ACAN: variants seen among roughly 807,000 people sequenced by gnomAD.
ACAN encodes the protein aggrecan core protein.
ACAN carries 47 observed loss-of-function variants against 169.1 expected under a neutral mutation model. That is an observed-to-expected ratio of 0.28 (90% CI 0.22 to 0.35). ACAN has a LOEUF of 0.35. Ranked by LOEUF, ACAN falls within the 10% of genes least tolerant of loss-of-function variation. The pLI is 1.00. For synonymous variants in ACAN, 1,115 were observed against 1,112.2 expected, an observed-to-expected ratio of 1.00 and a Z score of -0.05; for missense variants, 2,716 against 2,759.9, an observed-to-expected ratio of 0.98 and a Z score of 0.36.
Position 88,857,520 on chromosome 15 carries a change from C to A in ACAN, c.4935C>A (p.Gly1645=), listed in dbSNP as rs1170784847. ...ACCTTGGAAGTGGCCCACCCTCTGG[C>A]CTGCCTGACTTTAGTGGACTTCCAT... ...GVDLGSGPPS[G]LPDFSGLPSG... Residue 1645 remains glycine (G), a synonymous_variant, in exon 12 of 19, where the codon GGC becomes GGA. Transcript: ENST00000560601. 1.2e-6 allele frequency: 2 copies of A among 1,613,798 alleles called. No individual in the cohort carries two copies. The highest frequency in any genetic ancestry group is 1.7e-6 in the Non-Finnish European group (2 of 1,179,894).
intron 6 of ACAN, among the ~76,000 whole-genome samples, chr15:88,845,090 T>G (rs1896759519): frequency 2.0e-5 from 3 of 152,226 alleles, no homozygotes; most frequent in Non-Finnish European, 4.4e-5. Flanking sequence ...CAAACTGCAC[T>G]TTCTGCAAGA....
At chr15:88,808,461 C>T (rs767026338) in intron 1 of ACAN, among the ~76,000 whole-genome samples, 1 of 152,224 alleles carries the variant, frequency 6.6e-6, no homozygotes. Context: ...TCTTCCTGCC[C>T]TCCACCTACT....
At chr15:88,828,573 T>C (rs1200108240) in intron 1 of ACAN, among the ~76,000 whole-genome samples, 3 of 152,152 alleles carry the variant, frequency 2.0e-5, no homozygotes, top group Non-Finnish European at 4.4e-5. Context: ...TCCCAGAGAA[T>C]GTGCTCAATA....
rs772320528 is a variant in ACAN, at chr15:88,849,689, C to T, written c.1984C>T (p.Leu662Phe). 3 of 1,613,838 alleles carry T rather than the reference C, an allele frequency of 1.9e-6. No homozygotes were observed. The highest frequency in any genetic ancestry group is 1.1e-5 in the South Asian group (1 of 91,070). Residue 662 changes from leucine (L) to phenylalanine (F), a missense_variant, in exon 10 of 19, where the codon CTC becomes TTC. Leu to Phe is a conservative substitution (Grantham distance 22). This residue lies in a region of ACAN where 1,283 missense variants were observed against 1,281.5 expected (regional missense o/e 1.00). Transcript: ENST00000560601. The surrounding 1 kb of genome is among the most constrained non-coding windows in gnomAD (Gnocchi z 5.1). ...CTACCTCTACCCTAACCAGACGGGCCTCCCAGACCCACTGTCCCGGCACCA... is the reference window on the plus strand; with the variant it reads ...CTACCTCTACCCTAACCAGACGGGCTTCCCAGACCCACTGTCCCGGCACCA... ...TVYLYPNQTG[L>F]PDPLSRHHAF...
At position 88,822,544 on chromosome 15, in the gene ACAN, G is replaced by A. The variant is rs1038241123; in HGVS notation, c.-7-13656G>A. ...TGCAATGGCGTGATCTTGGCTCACT[G>A]CAACCTCCGCCTCCCAGGTTCAAGC... On this transcript the variant is annotated intron_variant, in intron 1 of 18. Coordinates refer to ENST00000560601, the MANE Select transcript of ACAN (RefSeq NM_001369268.1). Among the ~76,000 whole-genome samples, 73 of 151,294 alleles carry A rather than the reference G, an allele frequency of 4.8e-4. 1 individual carries two copies. Among genetic ancestry groups the A allele is most frequent in the Middle Eastern group, 6.8e-3 (2 of 292 alleles).
chr15:88,809,443 C>T (rs569763675), intron 1 of ACAN, among the ~76,000 whole-genome samples: 2 of 152,200 alleles, frequency 1.3e-5, no homozygotes, highest in East Asian at 1.9e-4. Flanking sequence ...TGAGGACCTC[C>T]GAAGGAGGCC....
rs1243969000 is a variant in ACAN, at chr15:88,874,537, G to A, written c.*56G>A. 19 of 1,447,414 alleles carry A rather than the reference G, an allele frequency of 1.3e-5. No individual in the cohort carries two copies. Among genetic ancestry groups the A allele is most frequent in the East Asian group, 7.3e-5 (3 of 41,160 alleles). The allele number at this position is 1,447,414 out of a possible 1,614,324, so 89.7% of individuals were successfully genotyped here. A position where few individuals can be genotyped will look rare whatever the true frequency, so the allele number is the denominator to read the frequency against. Reference sequence around the variant, plus strand: ...GAGCCCAGGAGCCTGCCAGGCTGACGTGCATCCCACCCAGACGGTGTCCTC... The same window carrying A: ...GAGCCCAGGAGCCTGCCAGGCTGACATGCATCCCACCCAGACGGTGTCCTC... On this transcript the variant is annotated 3_prime_UTR_variant, in exon 19 of 19. Transcript: ENST00000560601. The surrounding 1 kb of genome is among the most constrained non-coding windows in gnomAD (Gnocchi z 7.3).
chr15:88,845,547 G>C lies in ACAN; in HGVS notation c.1094G>C (p.Gly365Ala), dbSNP rs567446094. 1.2e-6 allele frequency: 2 copies of C among 1,613,320 alleles called. No individual in the cohort carries two copies. The highest frequency in any genetic ancestry group is 2.2e-5 in the East Asian group (1 of 44,864). Residue 365 changes from glycine to alanine, a missense_variant, in exon 7 of 19, where the codon GGG becomes GCG. Around this residue, in one of 3 missense-constraint regions of ACAN, gnomAD observed 1,283 missense variants for 1,281.5 expected, o/e 1.00. Coordinates refer to ENST00000560601, the MANE Select transcript of ACAN (RefSeq NM_001369268.1). ...ATCCCAGAAAACTTCTTTGGAGTGG[G>C]GGGTGAGGAGGACATCACCGTCCAG... ...VDIPENFFGV[G>A]GEEDITVQTV...
At position 88,870,861 on chromosome 15, in the gene ACAN, A is replaced by C. The variant is rs978112376; in HGVS notation, c.7061-521A>C. On this transcript the variant is annotated intron_variant, in intron 14 of 18. Transcript: ENST00000560601. The surrounding 1 kb of genome is among the most constrained non-coding windows in gnomAD (Gnocchi z 6.3). The stretch of plus-strand genomic sequence containing the variant: ...TCTGAGTCTTCTCCAGACCCCAAGC[A>C]GACTTATTTCTGCTCCTCTGTTCCC... Among the ~76,000 whole-genome samples the C allele has an allele frequency of 6.6e-6, 1 of 152,152 alleles. No homozygotes were observed. Among genetic ancestry groups the C allele is most frequent in the African/African-American group, 2.4e-5 (1 of 41,428 alleles).
At chr15:88,848,997 G>A (rs1291588674) in intron 9 of ACAN, among the ~76,000 whole-genome samples, 7 of 152,246 alleles carry the variant, frequency 4.6e-5, no homozygotes, top group Admixed American at 3.3e-4. Flanking sequence ...TTCCCAGGGT[G>A]TGGGGTGAGC....
intron 1 of ACAN, among the ~76,000 whole-genome samples, chr15:88,811,755 T>A (rs8034087): frequency 1.1e-4 from 16 of 152,248 alleles, no homozygotes; most frequent in African/African-American, 3.9e-4. Flanking sequence ...CCTGGAAGAC[T>A]TGGACTAGCA....
Position 88,873,592 on chromosome 15 carries a change from A to T in ACAN, c.7448-250A>T. 1.9e-6 allele frequency: 1 copy of T among 531,958 alleles called. No individual in the cohort carries two copies. The highest frequency in any genetic ancestry group is 3.4e-6 in the Non-Finnish European group (1 of 297,296). 33.0% of individuals were successfully genotyped at this position (531,958 alleles called of 1,614,324 possible). ...TGGCTCTCGCCCTCCACACCTTTCTACCTCCCTTTCATCTTCTCTTCATCC... is the reference window on the plus strand; with the variant it reads ...TGGCTCTCGCCCTCCACACCTTTCTTCCTCCCTTTCATCTTCTCTTCATCC... On this transcript the variant is annotated intron_variant, in intron 17 of 18. Transcript: ENST00000560601. The surrounding 1 kb of genome is among the most constrained non-coding windows in gnomAD (Gnocchi z 7.5).
chr15:88,837,132 T>G (rs1896524781), intron 2 of ACAN, among the ~76,000 whole-genome samples: 1 of 152,098 alleles, frequency 6.6e-6, no homozygotes, highest in Non-Finnish European at 1.5e-5. Flanking sequence ...ATACCCCTGG[T>G]GGGAGCCACC....
chr15:88,851,436 A>C lies in ACAN; in HGVS notation c.2027-358A>C, dbSNP rs1396208433. 1 of 201,672 alleles carries C rather than the reference A, an allele frequency of 5.0e-6. No individual in the cohort carries two copies. The highest frequency in any genetic ancestry group is 1.3e-4 in the East Asian group (1 of 7,952). The allele number at this position is 201,672 out of a possible 1,614,324, so 12.5% of individuals were successfully genotyped here. A position where few individuals can be genotyped will look rare whatever the true frequency, so the allele number is the denominator to read the frequency against. On this transcript the variant is annotated intron_variant, in intron 10 of 18. Transcript: ENST00000560601. The surrounding 1 kb of genome is among the most constrained non-coding windows in gnomAD (Gnocchi z 4.3). ...GCCATTGACTCTGGGCAAATCATGT[A>C]ACTCTGTGCCTCAGTTTCCCCATCT... is the stretch of plus-strand genomic sequence containing the variant.
intron 1 of ACAN, among the ~76,000 whole-genome samples, chr15:88,805,659 G>A (rs1266912393): frequency 6.6e-6 from 1 of 152,154 alleles, no homozygotes; most frequent in African/African-American, 2.4e-5. Context: ...CCCAAGCAAA[G>A]GGCTTAGCGT....
At position 88,847,422 on chromosome 15, in the gene ACAN, A is replaced by G; in HGVS notation, c.1604+5A>G. 1 of 1,565,884 alleles carries G rather than the reference A, an allele frequency of 6.4e-7. No homozygotes were observed. The highest frequency in any genetic ancestry group is 8.7e-7 in the Non-Finnish European group (1 of 1,151,150). ...GCTGCGGGACCAGACCGTCAGGTGAAGCCATGCTCCTCGCCCAGCCCAAAC... is the reference window on the plus strand; with the variant it reads ...GCTGCGGGACCAGACCGTCAGGTGAGGCCATGCTCCTCGCCCAGCCCAAAC... On this transcript the variant is annotated splice_donor_5th_base_variant and intron_variant, in intron 8 of 18. Coordinates refer to ENST00000560601, the MANE Select transcript of ACAN (RefSeq NM_001369268.1).
At chr15:88,816,340 C>T (rs1287666709) in intron 1 of ACAN, among the ~76,000 whole-genome samples, 3 of 152,180 alleles carry the variant, frequency 2.0e-5, no homozygotes, top group African/African-American at 7.2e-5. Context: ...TGTGCTTCAT[C>T]AAAGGGATTT....
At position 88,843,359 on chromosome 15, in the gene ACAN, G is replaced by A. The variant is rs1464688874; in HGVS notation, c.762G>A (p.Glu254=). The A allele has an allele frequency of 2.7e-5, 42 of 1,573,034 alleles. No homozygotes were observed. Among genetic ancestry groups the A allele is most frequent in the Non-Finnish European group, 3.6e-5 (41 of 1,153,926 alleles). ...VYCFAEEMEG[E]VFYATSPEKF... ...AGCTGGCTGTGTCCTTCACAGGTGA[G>A]GTCTTTTATGCAACATCTCCAGAGA... Residue 254 remains glutamate, a synonymous_variant, in exon 6 of 19, where the codon GAG becomes GAA. Transcript: ENST00000560601. The surrounding 1 kb of genome is among the most constrained non-coding windows in gnomAD (Gnocchi z 4.0).
chr15:88,859,918 AG>A (rs1192993983), intron 12 of ACAN, among the ~76,000 whole-genome samples: 1 of 152,084 alleles, frequency 6.6e-6, no homozygotes, highest in Non-Finnish European at 1.5e-5. Context: ...GCACAACTTA[AG>A]GAACTATGAA....
Sources: allele counts gnomAD v4.1 joint callset (sites outside exome capture counted in the v4.1 genomes callset), GRCh38; gene constraint gnomAD v4.1.1; regional missense constraint gnomAD v4.1.1; non-coding constraint Gnocchi (gnomAD v3.1); transcripts MANE v1.5; gene names NCBI Gene and HGNC (gene_info 2026-07-23, HGNC 2026-07-21).